The following SNURF variants were observed in gnomAD, a reference collection of about 807,000 sequenced individuals.
SNURF encodes the protein SNRPN upstream open reading frame.
SNURF carries 6 observed loss-of-function variants against 11.6 expected under a neutral mutation model. The observed-to-expected ratio is 0.52, with a 90% CI of 0.28 to 1.02. SNURF has a LOEUF of 1.02. Ranked by LOEUF, SNURF falls within the 50% of genes least tolerant of loss-of-function variation. The probability of loss-of-function intolerance (pLI) is 0.09; values close to 1 mark genes in which losing one functional copy is unlikely to be tolerated. For missense variants in SNURF, 84 were observed against 88.4 expected (o/e 0.95, Z 0.20); for synonymous variants, 29 against 31.6 (o/e 0.92, Z 0.27).
chr15:24,955,156 G>A (rs220029), intron 1 of SNURF, 94 bp downstream of exon 1: 107,396 of 1,533,254 alleles, frequency 0.07, 7,076 homozygotes, highest in African/African-American at 0.35. Flanking sequence ...TTGGAGTACT[G>A]AATAAACGGA....
Position 24,977,693 on chromosome 15 carries a change from T to C in SNURF, c.*463-85T>C. 5 of 1,286,070 alleles carry C rather than the reference T, an allele frequency of 3.9e-6. No homozygotes were observed. In the South Asian group the frequency reaches 4.8e-5, roughly 12 times the overall value. The allele number at this position is 1,286,070 out of a possible 1,614,324, so 79.7% of individuals were successfully genotyped here. On this transcript the variant is annotated intron_variant and NMD_transcript_variant, in intron 6 of 6. Coordinates refer to the SNURF transcript ENST00000580062. ...CATTGCAACAGTTGTTTGTAACTAA[T>C]TGGTCATTTTTCTCATTTATTTTCT...
intron 3 of SNURF, among the ~76,000 whole-genome samples, chr15:24,975,180 T>C (rs1040587922): frequency 5.3e-5 from 8 of 152,150 alleles, no homozygotes; most frequent in Non-Finnish European, 7.3e-5. Context: ...TTCATAATCC[T>C]TTGTGGTCCT....
intron 5 of SNURF, chr15:24,976,505 G>A: frequency 1.1e-6 from 1 of 885,278 alleles, no homozygotes; most frequent in Non-Finnish European, 1.8e-6. Context: ...AGCAGACACA[G>A]TTCAACATGG....
chr15:24,955,690 G>A (rs1315875089), intron 1 of SNURF, among the ~76,000 whole-genome samples: 1 of 150,138 alleles, frequency 6.7e-6, no homozygotes, highest in Non-Finnish European at 1.5e-5. Flanking sequence ...GGTGGGGGTT[G>A]TGTTGGTGGT....
intron 1 of SNURF, among the ~76,000 whole-genome samples, chr15:24,956,853 T>C (rs1054296218): frequency 8.5e-5 from 13 of 152,170 alleles, no homozygotes; most frequent in Non-Finnish European, 1.6e-4. Flanking sequence ...GCAGCTGCAC[T>C]GGGCTACTGC....
At chr15:24,970,260 C>T (rs887585626), downstream of SNURF, among the ~76,000 whole-genome samples, 9 of 152,120 alleles carry the variant, frequency 5.9e-5, no homozygotes, top group East Asian at 1.9e-4. Context: ...GTAAGGCACA[C>T]GATGGCCAGG....
chr15:24,959,894 A>G (rs541283437), intron 1 of SNURF, among the ~76,000 whole-genome samples: 1 of 152,348 alleles, frequency 6.6e-6, no homozygotes, highest in South Asian at 2.1e-4. Context: ...GCCCTCGTAT[A>G]TGCCAGGTTC....
intron 2 of SNURF, among the ~76,000 whole-genome samples, chr15:24,963,111 A>G (rs1445315058): frequency 3.3e-5 from 5 of 152,166 alleles, no homozygotes; most frequent in Non-Finnish European, 5.9e-5. Flanking sequence ...GACATGGGAC[A>G]CATTTGAAGT....
At chr15:24,956,365 C>T (rs933021817) in intron 1 of SNURF, among the ~76,000 whole-genome samples, 2 of 128,980 alleles carry the variant, frequency 1.6e-5, no homozygotes, top group East Asian at 5.3e-4. Flanking sequence ...GGGGGGGTGG[C>T]CGCTTCCTCC....
chr15:24,958,520 T>TTTTTTA (rs1440476628), intron 1 of SNURF, among the ~76,000 whole-genome samples: 1 of 120,744 alleles, frequency 8.3e-6, no homozygotes, highest in African/African-American at 3.4e-5. Context: ...TTTTTTTTTT[T>TTTTTTA]AAATAGACCA....
chr15:24,977,055 A>G (rs2077136027), intron 6 of SNURF: 2 of 1,531,808 alleles, frequency 1.3e-6, no homozygotes, highest in Non-Finnish European at 1.8e-6. Flanking sequence ...AGGGTTTTAT[A>G]TTATTGGGAG....
intron 1 of SNURF, among the ~76,000 whole-genome samples, chr15:24,960,062 C>T (rs1020846987): frequency 6.6e-6 from 1 of 151,766 alleles, no homozygotes; most frequent in African/African-American, 2.4e-5. Context: ...GGCAGGAGCT[C>T]GACATCAGCC....
chr15:24,977,284 A>G (rs2077167330), intron 6 of SNURF, among the ~76,000 whole-genome samples: 1 of 152,168 alleles, frequency 6.6e-6, no homozygotes, highest in African/African-American at 2.4e-5. Flanking sequence ...ATGCATGGAT[A>G]TACCACAGTT....
At chr15:24,978,008 G>GGGAATAT, downstream of SNURF, 1 of 1,303,404 alleles carries the variant, frequency 7.7e-7, no homozygotes, top group Non-Finnish European at 1.1e-6. Flanking sequence ...TAAGAATTTG[G>GGGAATAT]GGAATATGCT....
chr15:24,967,877 T>C, intron 2 of SNURF, 55 bp from the exon 3 acceptor site: 2 of 1,469,924 alleles, frequency 1.4e-6, no homozygotes, highest in Non-Finnish European at 1.9e-6. Context: ...TCATATGGTT[T>C]CCTATAAAGA....
At chr15:24,970,431 T>A (rs1321140982), downstream of SNURF, among the ~76,000 whole-genome samples, 1 of 151,946 alleles carries the variant, frequency 6.6e-6, no homozygotes, top group East Asian at 1.9e-4. Context: ...ATACAAATAT[T>A]AGCCGGGTGT....
At chr15:24,960,686 C>T (rs2074630694) in intron 1 of SNURF, among the ~76,000 whole-genome samples, 1 of 152,140 alleles carries the variant, frequency 6.6e-6, no homozygotes, top group African/African-American at 2.4e-5. Context: ...GTTTGGAGGA[C>T]TGTCTATTCA....
chr15:24,978,429 T>A (rs755315127), downstream of SNURF: 19 of 1,613,846 alleles, frequency 1.2e-5, no homozygotes, highest in Non-Finnish European at 1.6e-5. Flanking sequence ...CAGGAATGCG[T>A]CCACCAAGAC....
At chr15:24,970,241 A>G (rs752908954), downstream of SNURF, among the ~76,000 whole-genome samples, 2 of 152,270 alleles carry the variant, frequency 1.3e-5, no homozygotes, top group Non-Finnish European at 1.5e-5. Flanking sequence ...ACCCGTTTTC[A>G]TTAAAAATGT....
Sources: allele counts gnomAD v4.1 joint callset (sites outside exome capture counted in the v4.1 genomes callset), GRCh38; gene constraint gnomAD v4.1.1; transcripts MANE v1.5; gene names NCBI Gene and HGNC (gene_info 2026-07-23, HGNC 2026-07-21).